CSMD1: variants seen among roughly 807,000 people sequenced by gnomAD.
CSMD1 encodes CUB and Sushi multiple domains 1.
CSMD1 carries 213 observed loss-of-function variants against 417.5 expected under a neutral mutation model. The ratio of observed to expected loss-of-function variants is 0.51; its 90% CI spans 0.46 to 0.57. The LOEUF (loss-of-function observed/expected upper bound fraction) is 0.57. Among genes scored for constraint, CSMD1 ranks in the 20% least tolerant of loss-of-function variants. The probability of loss-of-function intolerance (pLI) is 0.00; values close to 1 mark genes in which losing one functional copy is unlikely to be tolerated. For synonymous variants in CSMD1, 2,862 were observed against 1,736.8 expected (o/e 1.65, Z -16.11); for missense variants, 6,923 against 4,529.7 (o/e 1.53, Z -15.17).
chr8:3,654,109 A>G (rs1585024248), intron 7 of CSMD1, among the ~76,000 whole-genome samples: 3 of 152,188 alleles, frequency 2.0e-5, no homozygotes, highest in East Asian at 3.9e-4. Context: ...GGGTGTTGTC[A>G]GGAAACAGTG....
At chr8:3,736,301 G>A (rs1796517730) in intron 6 of CSMD1, among the ~76,000 whole-genome samples, 1 of 151,900 alleles carries the variant, frequency 6.6e-6, no homozygotes, top group Non-Finnish European at 1.5e-5. Context: ...GAGTGCAGTG[G>A]GGCAATCACG....
chr8:4,223,939 C>T (rs1714735), intron 3 of CSMD1, among the ~76,000 whole-genome samples: 152,114 of 152,296 alleles, frequency 1, 75,966 homozygotes, highest in Non-Finnish European at 1. Context: ...TCCAGGGGTC[C>T]TTTGTGCTTG....
chr8:4,599,343 T>A (rs920645974), intron 2 of CSMD1, among the ~76,000 whole-genome samples: 1 of 151,974 alleles, frequency 6.6e-6, no homozygotes, highest in Non-Finnish European at 1.5e-5. Flanking sequence ...AACCCCAGAA[T>A]AGCATGGTCA....
intron 6 of CSMD1, among the ~76,000 whole-genome samples, chr8:3,752,193 G>C (rs1221245363): frequency 1.3e-5 from 2 of 152,100 alleles, no homozygotes; most frequent in African/African-American, 2.4e-5. Flanking sequence ...GGGAGGTATG[G>C]AAAAGGAGGA....
intron 5 of CSMD1, among the ~76,000 whole-genome samples, chr8:3,906,616 C>G (rs957658361): frequency 5.4e-5 from 8 of 147,106 alleles, no homozygotes; most frequent in African/African-American, 2.1e-4. Flanking sequence ...TAGAATCTAA[C>G]AAACCTAAGC....
chr8:4,176,418 T>C (rs1218533932), intron 3 of CSMD1, among the ~76,000 whole-genome samples: 1 of 152,138 alleles, frequency 6.6e-6, no homozygotes, highest in Non-Finnish European at 1.5e-5. Flanking sequence ...TTATTTACCA[T>C]GATTTTTACC....
intron 10 of CSMD1, among the ~76,000 whole-genome samples, chr8:3,522,380 A>C (rs868817114): frequency 1.3e-5 from 2 of 152,220 alleles, no homozygotes; most frequent in African/African-American, 4.8e-5. Flanking sequence ...AACAAGTATA[A>C]AAATATATAT....
At chr8:4,269,539 G>A (rs191666844) in intron 3 of CSMD1, among the ~76,000 whole-genome samples, 19 of 152,164 alleles carry the variant, frequency 1.2e-4, no homozygotes, top group Middle Eastern at 3.4e-3. Flanking sequence ...TCAATATATC[G>A]CATTCATCTG....
At chr8:4,772,367 C>T (rs1796645761) in intron 1 of CSMD1, among the ~76,000 whole-genome samples, 3 of 152,252 alleles carry the variant, frequency 2.0e-5, no homozygotes, top group South Asian at 2.1e-4. Flanking sequence ...AGAAAGTTCT[C>T]GGCCTTTGAG....
chr8:3,120,707 G>GGC (rs1554431379), intron 41 of CSMD1, among the ~76,000 whole-genome samples: 2 of 137,200 alleles, frequency 1.5e-5, no homozygotes, highest in African/African-American at 5.0e-5. Context: ...ATTAGCCAGG[G>GGC]GGGGTGACCG....
At chr8:3,680,234 C>G (rs1353371154) in intron 7 of CSMD1, among the ~76,000 whole-genome samples, 1 of 151,952 alleles carries the variant, frequency 6.6e-6, no homozygotes, top group Non-Finnish European at 1.5e-5. Flanking sequence ...TTCAAAAAAT[C>G]GATGAATCCA....
intron 1 of CSMD1, among the ~76,000 whole-genome samples, chr8:4,821,518 A>G (rs1487635254): frequency 6.6e-6 from 1 of 152,184 alleles, no homozygotes; most frequent in African/African-American, 2.4e-5. Context: ...GAATTATGAA[A>G]TATCTTACAG....
At chr8:4,048,615 C>T (rs1189117684) in intron 3 of CSMD1, among the ~76,000 whole-genome samples, 1 of 152,200 alleles carries the variant, frequency 6.6e-6, no homozygotes, top group East Asian at 1.9e-4. Flanking sequence ...ACACACCAAA[C>T]AGGTAATTCT....
chr8:4,464,437 C>G (rs767604158), intron 2 of CSMD1, among the ~76,000 whole-genome samples: 14 of 152,170 alleles, frequency 9.2e-5, no homozygotes, highest in Non-Finnish European at 1.5e-4. Flanking sequence ...TAAACACACT[C>G]AGAACACGCA....
intron 1 of CSMD1, among the ~76,000 whole-genome samples, chr8:4,822,607 A>C (rs1799583445): frequency 6.6e-6 from 1 of 152,114 alleles, no homozygotes; most frequent in African/African-American, 2.4e-5. Context: ...AGCAATTTTT[A>C]CATTTTTAGC....
chr8:3,671,513 G>A (rs2469372), intron 7 of CSMD1, among the ~76,000 whole-genome samples: 33 of 1,090 alleles, frequency 0.03, 1 homozygote, highest in Non-Finnish European at 0.04. Flanking sequence ...ATATATATAT[G>A]ATCATATATA....
rs575644373 is a variant in CSMD1, at chr8:3,983,410, G to A, written c.818+14493C>T. Among the ~76,000 whole-genome samples the A allele has an allele frequency of 1.5e-3, 231 of 152,026 alleles. 1 individual carries two copies. Among genetic ancestry groups the A allele is most frequent in the African/African-American group, 5.3e-3 (221 of 41,490 alleles). On this transcript the variant is annotated intron_variant, in intron 5 of 69. Coordinates refer to ENST00000635120, the MANE Select transcript of CSMD1 (RefSeq NM_033225.6). Reference sequence around the variant, plus strand: ...CTCCCAAATTGCTGGGATTACAGGCGTGAGCCACCGCGCCCGGCCGCAGCC... The same window carrying A: ...CTCCCAAATTGCTGGGATTACAGGCATGAGCCACCGCGCCCGGCCGCAGCC...
At chr8:3,704,608 G>A (rs935048970) in intron 7 of CSMD1, 1 of 152,220 alleles carries the variant, frequency 6.6e-6, no homozygotes, top group Non-Finnish European at 1.5e-5. Flanking sequence ...GATCCCCTCT[G>A]CCTTGTGAAA....
At chr8:4,422,415 A>C (rs1797298468) in intron 2 of CSMD1, among the ~76,000 whole-genome samples, 1 of 152,122 alleles carries the variant, frequency 6.6e-6, no homozygotes, top group South Asian at 2.1e-4. Context: ...TTATAGTTAA[A>C]TGATGTCAAA....
Sources: allele counts gnomAD v4.1 joint callset (sites outside exome capture counted in the v4.1 genomes callset), GRCh38; gene constraint gnomAD v4.1.1; transcripts MANE v1.5; gene names NCBI Gene and HGNC (gene_info 2026-07-23, HGNC 2026-07-21).